Variants in CDH17 observed in about 807,000 individuals in gnomAD.
The protein encoded by CDH17 is cadherin 17.
Under a neutral mutation model 86.3 loss-of-function variants are expected in CDH17, and 67 were observed. The ratio of observed to expected loss-of-function variants is 0.78; its 90% CI spans 0.64 to 0.95. The LOEUF (loss-of-function observed/expected upper bound fraction) is 0.95, where lower values mean the gene tolerates loss of function less well. Ranked by LOEUF, CDH17 falls within the 40% of genes least tolerant of loss-of-function variation. The pLI, the probability that CDH17 is intolerant of heterozygous loss-of-function variation, is 0.00. For synonymous variants in CDH17, 367 were observed against 366.4 expected (o/e 1.00, Z -0.02); for missense variants, 993 against 1,017.6 (o/e 0.98, Z 0.33).
At chr8:94,167,180 G>A (rs1813173634) in intron 9 of CDH17, among the ~76,000 whole-genome samples, 1 of 152,136 alleles carries the variant, frequency 6.6e-6, no homozygotes, top group Non-Finnish European at 1.5e-5. Context: ...GTGGTCCTAA[G>A]TATTTTATTC....
chr8:94,128,230 C>T lies in CDH17; in HGVS notation c.*10G>A, dbSNP rs1812338608. ...ACTTGCTATATAAATTCAAACATTC[C>T]TTTTCAAATTCAGCTTCTCAGAGGT... On this transcript the variant is annotated 3_prime_UTR_variant, in exon 18 of 18. Coordinates refer to ENST00000027335, the MANE Select transcript of CDH17 (RefSeq NM_004063.4). 3 of 1,575,452 alleles carry T rather than the reference C, an allele frequency of 1.9e-6. No homozygotes were observed. Among genetic ancestry groups the T allele is most frequent in the South Asian group, 2.2e-5 (2 of 89,782 alleles).
intron 15 of CDH17, among the ~76,000 whole-genome samples, chr8:94,143,078 G>GGAATT (rs1448778079): frequency 2.0e-5 from 3 of 151,980 alleles, no homozygotes; most frequent in Non-Finnish European, 4.4e-5. Flanking sequence ...ATCCATCAGA[G>GGAATT]GAATTACTAT....
At chr8:94,216,844 G>A (rs2129687479) in intron 1 of CDH17, among the ~76,000 whole-genome samples, 1 of 152,238 alleles carries the variant, frequency 6.6e-6, no homozygotes, top group South Asian at 2.1e-4. Flanking sequence ...CTCAACGCTG[G>A]CCGCATAGAG....
chr8:94,171,363 G>A (rs567279191), intron 7 of CDH17, among the ~76,000 whole-genome samples: 2 of 152,284 alleles, frequency 1.3e-5, no homozygotes, highest in East Asian at 1.9e-4. Context: ...AATGTATGGT[G>A]AGCATCTAAT....
chr8:94,189,290 TAAAAA>T lies in CDH17; in HGVS notation c.52-10_52-6del, dbSNP rs749070399. ...CTCTTGGCCATATCCAGTTGCCTGT[TAAAAA>T]AGAAAGAGAAAATTAGCATCTTGTA... is the stretch of plus-strand genomic sequence containing the variant. On this transcript the variant is annotated splice_polypyrimidine_tract_variant and splice_region_variant and intron_variant, in intron 2 of 17. Transcript: ENST00000027335. The T allele has an allele frequency of 1.3e-6, 2 of 1,594,366 alleles. No individual in the cohort carries two copies. Among genetic ancestry groups the T allele is most frequent in the East Asian group, 4.5e-5 (2 of 44,752 alleles).
intron 12 of CDH17, among the ~76,000 whole-genome samples, chr8:94,159,036 C>T (rs777073565): frequency 9.2e-5 from 14 of 152,280 alleles, no homozygotes; most frequent in Non-Finnish European, 1.8e-4. Flanking sequence ...TTTTTAACAG[C>T]GAGGTTTCAC....
chr8:94,139,546 A>C (rs1812594961), intron 15 of CDH17, among the ~76,000 whole-genome samples: 1 of 152,234 alleles, frequency 6.6e-6, no homozygotes. Flanking sequence ...AAAAGTAATA[A>C]GAGAATATCT....
rs757515742 is a variant in CDH17 at position 94,173,822 on chromosome 8, T to A, written c.758A>T (p.Asp253Val). ...KPVEMVENST[D>V]PHPIKITQVR... is the part of the protein sequence containing the mutation. ...CTGAGTGATTTTGATGGGGTGAGGA[T>A]CAGTTGAGTTTTCCACCATCTCCAC... is the stretch of plus-strand genomic sequence containing the variant. Residue 253 changes from aspartate to valine, a missense_variant, in exon 7 of 18, where the codon GAT becomes GTT. Transcript: ENST00000027335. The A allele has an allele frequency of 6.2e-7, 1 of 1,613,672 alleles. No homozygotes were observed. Among genetic ancestry groups the A allele is most frequent in the Admixed American group, 1.7e-5 (1 of 59,988 alleles).
intron 2 of CDH17, among the ~76,000 whole-genome samples, chr8:94,192,471 A>G (rs938996629): frequency 6.6e-6 from 1 of 152,230 alleles, no homozygotes; most frequent in African/African-American, 2.4e-5. Flanking sequence ...GACCAATGCT[A>G]TGAAGAAAGT....
At chr8:94,170,059 C>A (rs1394377951) in intron 9 of CDH17, among the ~76,000 whole-genome samples, 1 of 151,972 alleles carries the variant, frequency 6.6e-6, no homozygotes, top group East Asian at 1.9e-4. Flanking sequence ...AGTCAAATAA[C>A]GTATGGGGAA....
intron 15 of CDH17, among the ~76,000 whole-genome samples, chr8:94,134,635 G>T (rs1263022380): frequency 1.3e-5 from 2 of 152,036 alleles, no homozygotes; most frequent in African/African-American, 2.4e-5. Flanking sequence ...TTTTTGAGGG[G>T]TTTTTTGTGT....
intron 10 of CDH17, among the ~76,000 whole-genome samples, chr8:94,162,608 G>A (rs1813076979): frequency 6.6e-6 from 1 of 152,130 alleles, no homozygotes. Flanking sequence ...CATCTGCTCT[G>A]ACTACTATGA....
At chr8:94,179,506 C>T (rs1813437442) in intron 3 of CDH17, among the ~76,000 whole-genome samples, 1 of 152,216 alleles carries the variant, frequency 6.6e-6, no homozygotes, top group African/African-American at 2.4e-5. Flanking sequence ...CTATCATGAG[C>T]AGGGCTGTGT....
intron 12 of CDH17, 77 bp downstream of exon 12, chr8:94,159,894 T>C (rs955490286): frequency 8.7e-7 from 1 of 1,149,180 alleles, no homozygotes; most frequent in African/African-American, 1.5e-5. Flanking sequence ...TCACCTCTGC[T>C]TATAGGTCTT....
intron 13 of CDH17, among the ~76,000 whole-genome samples, 173 bp from the exon 14 acceptor site, chr8:94,149,047 CAT>C (rs1812808548): frequency 6.8e-6 from 1 of 147,082 alleles, no homozygotes; most frequent in Non-Finnish European, 1.5e-5. Flanking sequence ...TTATTTAAAA[CAT>C]ATTTAAAGGA....
chr8:94,153,896 A>T (rs1476692898), intron 12 of CDH17, among the ~76,000 whole-genome samples: 1 of 152,156 alleles, frequency 6.6e-6, no homozygotes, highest in Non-Finnish European at 1.5e-5. Context: ...GGGCATGAGG[A>T]GATTGGGGAG....
At chr8:94,131,130 A>G (rs1489938501) in intron 15 of CDH17, 138 bp from the exon 16 acceptor site, 3 of 619,720 alleles carry the variant, frequency 4.8e-6, no homozygotes, top group Non-Finnish European at 8.7e-6. Context: ...TATCATCCAC[A>G]TCATTCCACA....
intron 2 of CDH17, among the ~76,000 whole-genome samples, chr8:94,191,609 T>A (rs1318606027): frequency 6.6e-6 from 1 of 151,760 alleles, no homozygotes; most frequent in Non-Finnish European, 1.5e-5. Context: ...CCCCCCACCA[T>A]GCCCGACTAA....
Position 94,151,998 on chromosome 8 carries a change from T to C in CDH17, c.1666A>G (p.Ile556Val). ...NASSFAKFTL[I>V]VTDVNEAPQF... is the part of the protein sequence containing the mutation. ...GGTGCTTCATTCACATCTGTCACAA[T>C]AAGCGTGAACTTGGCAAAAGAACTT... The change falls in exon 13 of 18, where the codon ATT becomes GTT. Residue 556 changes from isoleucine (I) to valine (V), a missense_variant. Transcript: ENST00000027335. 1 of 1,614,210 alleles carries C rather than the reference T, an allele frequency of 6.2e-7. No individual in the cohort carries two copies. The highest frequency in any genetic ancestry group is 2.2e-5 in the East Asian group (1 of 44,874).
Sources: allele counts gnomAD v4.1 joint callset (sites outside exome capture counted in the v4.1 genomes callset), GRCh38; gene constraint gnomAD v4.1.1; transcripts MANE v1.5; gene names NCBI Gene and HGNC (gene_info 2026-07-23, HGNC 2026-07-21).